PIGL: variants seen among roughly 807,000 people sequenced by gnomAD.
PIGL encodes the protein phosphatidylinositol glycan anchor biosynthesis class L.
A neutral mutation model predicts 31.1 loss-of-function variants in PIGL; 22 were observed. The ratio of observed to expected loss-of-function variants is 0.71; its 90% confidence interval spans 0.51 to 1.01. The LOEUF (loss-of-function observed/expected upper bound fraction) is 1.01, where lower values mean the gene tolerates loss of function less well. Among genes scored for constraint, PIGL ranks in the 50% least tolerant of loss-of-function variants. PIGL has a pLI of 0.00. For missense variants in PIGL, 302 were observed against 315.9 expected (o/e 0.96, Z 0.33); for synonymous variants, 131 against 117.4 (o/e 1.12, Z -0.75).
At chr17:16,226,323 G>C (rs2092652144) in intron 1 of PIGL, among the ~76,000 whole-genome samples, 2 of 152,132 alleles carry the variant, frequency 1.3e-5, no homozygotes, top group Non-Finnish European at 2.9e-5. Context: ...GTCAGCTGGG[G>C]ACTTTGCTAC....
chr17:16,276,825 A>G (rs1237398668), intron 2 of PIGL, among the ~76,000 whole-genome samples: 1 of 152,222 alleles, frequency 6.6e-6, no homozygotes, highest in Admixed American at 6.5e-5. Context: ...CCAGTCTCCC[A>G]TTTTTACTAA....
chr17:16,255,374 T>C (rs2092789714), intron 2 of PIGL, among the ~76,000 whole-genome samples: 2 of 152,202 alleles, frequency 1.3e-5, no homozygotes, highest in South Asian at 4.1e-4. Context: ...AAAAATCTCG[T>C]TTCTCCCAGT....
At chr17:16,298,747 G>T (rs2092992522) in intron 2 of PIGL, among the ~76,000 whole-genome samples, 1 of 152,212 alleles carries the variant, frequency 6.6e-6, no homozygotes, top group African/African-American at 2.4e-5. Flanking sequence ...TCTGTCAAAG[G>T]CCAGGTGCAG....
intron 6 of PIGL, 77 bp downstream of exon 6, chr17:16,317,985 G>A: frequency 7.8e-7 from 1 of 1,280,974 alleles, no homozygotes; most frequent in Non-Finnish European, 1.1e-6. Context: ...CCCCACCTCT[G>A]CAGAAGCCCT....
intron 2 of PIGL, among the ~76,000 whole-genome samples, chr17:16,235,523 T>C (rs770824521): frequency 7.1e-6 from 1 of 141,622 alleles, no homozygotes; most frequent in Non-Finnish European, 1.5e-5. Flanking sequence ...CTCGGCTCAC[T>C]GCAACCTCCA....
chr17:16,287,063 T>G (rs890429818), intron 2 of PIGL, among the ~76,000 whole-genome samples: 5 of 152,318 alleles, frequency 3.3e-5, no homozygotes, highest in Admixed American at 1.3e-4. Flanking sequence ...GTACAATGAT[T>G]TCATTCTCTC....
At chr17:16,301,446 G>A (rs1349996279) in intron 3 of PIGL, among the ~76,000 whole-genome samples, 1 of 151,498 alleles carries the variant, frequency 6.6e-6, no homozygotes, top group African/African-American at 2.4e-5. Context: ...TGTATTTTTA[G>A]TAGAGATGGA....
intron 2 of PIGL, among the ~76,000 whole-genome samples, chr17:16,250,008 A>G (rs1279644056): frequency 6.6e-6 from 1 of 152,192 alleles, no homozygotes; most frequent in African/African-American, 2.4e-5. Context: ...GTGCAGTGAC[A>G]TGATTTTGGC....
intron 2 of PIGL, among the ~76,000 whole-genome samples, chr17:16,272,329 A>G (rs1442269940): frequency 1.3e-5 from 2 of 152,200 alleles, no homozygotes; most frequent in African/African-American, 4.8e-5. Flanking sequence ...ACATTTTGTC[A>G]ATAGTTCTGA....
chr17:16,303,840 G>A (rs1290620214), intron 3 of PIGL, among the ~76,000 whole-genome samples: 1 of 151,978 alleles, frequency 6.6e-6, no homozygotes, highest in Non-Finnish European at 1.5e-5. Context: ...TCAGCCTCCT[G>A]AGTAGCTGGG....
Position 16,268,727 on chromosome 17 carries a change from G to A in PIGL, c.336-31161G>A, listed in dbSNP as rs560358601. Among the ~76,000 whole-genome samples the A allele has an allele frequency of 2.0e-5, 3 of 151,462 alleles. No homozygotes were observed. In the East Asian group the frequency reaches 5.9e-4, roughly 30 times the overall value. The stretch of plus-strand genomic sequence containing the variant: ...AGCCTCCCAAAGTGCTGAAATTACA[G>A]GCATGAGCCACTGCGCCTGGCGTTT... On this transcript the variant is annotated intron_variant, in intron 2 of 6. Transcript: ENST00000225609.
chr17:16,316,501 A>G (rs555385853), intron 4 of PIGL, among the ~76,000 whole-genome samples, 180 bp from the exon 5 acceptor site: 2 of 152,284 alleles, frequency 1.3e-5, no homozygotes, highest in Non-Finnish European at 2.9e-5. Flanking sequence ...TGGTCCCTTC[A>G]GCTGTTGCCA....
intron 3 of PIGL, among the ~76,000 whole-genome samples, chr17:16,301,560 C>A (rs1455991614): frequency 1.4e-5 from 2 of 144,074 alleles, no homozygotes; most frequent in African/African-American, 2.6e-5. Flanking sequence ...CCACACCCAG[C>A]CAATTTTTAA....
intron 2 of PIGL, among the ~76,000 whole-genome samples, chr17:16,291,787 T>A (rs532675242): frequency 1.3e-5 from 2 of 149,270 alleles, no homozygotes; most frequent in Non-Finnish European, 3.0e-5. Flanking sequence ...ATCACTTGAA[T>A]CTGGGAGGCG....
chr17:16,247,047 G>T (rs952699193), intron 2 of PIGL, among the ~76,000 whole-genome samples: 1 of 152,084 alleles, frequency 6.6e-6, no homozygotes, highest in Non-Finnish European at 1.5e-5. Flanking sequence ...GCTTGCAGAT[G>T]ACCTTCTCGC....
intron 2 of PIGL, among the ~76,000 whole-genome samples, chr17:16,254,255 A>T (rs1300239870): frequency 6.6e-6 from 1 of 151,862 alleles, no homozygotes; most frequent in African/African-American, 2.4e-5. Context: ...CATATACACC[A>T]ATTTTTTTTT....
intron 6 of PIGL, among the ~76,000 whole-genome samples, chr17:16,325,137 A>G (rs2093121665): frequency 6.6e-6 from 1 of 152,012 alleles, no homozygotes; most frequent in Non-Finnish European, 1.5e-5. Context: ...CTAGGTCAGG[A>G]GATCGAGACT....
intron 2 of PIGL, among the ~76,000 whole-genome samples, chr17:16,266,762 AT>A (rs978192297): frequency 6.6e-6 from 1 of 151,238 alleles, no homozygotes; most frequent in Admixed American, 6.6e-5. Context: ...TGCCCAGCTA[AT>A]TTTTTTTGTA....
At chr17:16,233,415 C>G (rs546458184) in intron 1 of PIGL, among the ~76,000 whole-genome samples, 1 of 152,014 alleles carries the variant, frequency 6.6e-6, no homozygotes, top group Admixed American at 6.6e-5. Context: ...TCAAGATCCC[C>G]TTGGGGTATG....
Sources: allele counts gnomAD v4.1 joint callset (sites outside exome capture counted in the v4.1 genomes callset), GRCh38; gene constraint gnomAD v4.1.1; transcripts MANE v1.5; gene names NCBI Gene and HGNC (gene_info 2026-07-23, HGNC 2026-07-21).